Variants in MCEE observed in about 807,000 individuals in gnomAD.
MCEE encodes the protein methylmalonyl-CoA epimerase, mitochondrial.
MCEE carries 6 observed loss-of-function variants against 12.9 expected under a neutral mutation model. The observed-to-expected ratio is 0.47, with a 90% CI of 0.26 to 0.92. MCEE has a LOEUF of 0.92. MCEE is among the 40% of genes least tolerant of loss of function. The pLI is 0.16. For missense variants in MCEE, 214 were observed against 212.1 expected (o/e 1.01, Z -0.05); for synonymous variants, 78 against 77.9 (o/e 1.00, Z -0.01).
At chr2:71,126,494 G>A (rs1345766193) in intron 1 of MCEE, among the ~76,000 whole-genome samples, 3 of 150,052 alleles carry the variant, frequency 2.0e-5, no homozygotes, top group South Asian at 2.1e-4. Context: ...CCAAAGTGCC[G>A]GGATCACAGG....
In MCEE at chr2:71,124,309, C is replaced by T. The variant is rs779499957; in HGVS notation, c.275G>A (p.Gly92Glu). The change falls in exon 2 of 3, where the codon GGA (glycine) becomes GAA (glutamate). Residue 92 changes from glycine to glutamate, a missense_variant. Gly to Glu is a moderately conservative substitution (Grantham distance 98). Transcript: ENST00000244217. ...HGVSVVFVNL[G>E]NTKMELLHPL... ...ATGAAGCAGTTCCATCTTGGTATTT[C>T]CCAGGTTGACAAAAACAACAGATAC... The T allele has an allele frequency of 2.5e-6, 4 of 1,614,162 alleles. No individual in the cohort carries two copies. In the East Asian group the frequency reaches 6.7e-5, roughly 27 times the overall value.
At chr2:71,113,953 CAATAA>C (rs2103777333) in intron 2 of MCEE, among the ~76,000 whole-genome samples, 1 of 152,186 alleles carries the variant, frequency 6.6e-6, no homozygotes, top group African/African-American at 2.4e-5. Flanking sequence ...TTCCCAAAAT[CAATAA>C]CATGAGTCTA....
chr2:71,118,721 A>C (rs928065849), intron 2 of MCEE, among the ~76,000 whole-genome samples: 1 of 149,806 alleles, frequency 6.7e-6, no homozygotes, highest in Non-Finnish European at 1.5e-5. Flanking sequence ...TCATCTCCCT[A>C]AGGCCCCACC....
At chr2:71,123,742 A>T (rs1289958962) in intron 2 of MCEE, among the ~76,000 whole-genome samples, 2 of 152,240 alleles carry the variant, frequency 1.3e-5, no homozygotes, top group African/African-American at 2.4e-5. Flanking sequence ...AATTACAGTA[A>T]TTGAAAATGT....
intron 1 of MCEE, chr2:71,129,897 C>A (rs1228251694): frequency 1.8e-6 from 1 of 561,848 alleles, no homozygotes; most frequent in Admixed American, 3.1e-5. Flanking sequence ...ACCTGCCGGG[C>A]AAGTTCCCTC....
At position 71,120,105 on chromosome 2, in the gene MCEE, G is replaced by A. The variant is rs889908892; in HGVS notation, c.378+4101C>T. On this transcript the variant is annotated intron_variant, in intron 2 of 2. Transcript: ENST00000244217. ...GGGTGTCTGAAGGGTCCCAGAAAAG[G>A]GTCCTTCTGGAAAAGGAATGTTACT... 4.3e-4 allele frequency among the ~76,000 whole-genome samples: 65 copies of A among 150,176 alleles called. 7 individuals carry two copies. Among genetic ancestry groups the A allele is most frequent in the African/African-American group, 1.6e-3 (63 of 39,650 alleles).
chr2:71,124,990 T>C (rs1231069670), intron 1 of MCEE, among the ~76,000 whole-genome samples: 1 of 151,398 alleles, frequency 6.6e-6, no homozygotes, highest in Non-Finnish European at 1.5e-5. Context: ...ATTAAAAGAG[T>C]ACATACAGTA....
At chr2:71,113,833 C>A (rs1001691388) in intron 2 of MCEE, among the ~76,000 whole-genome samples, 1 of 152,128 alleles carries the variant, frequency 6.6e-6, no homozygotes, top group East Asian at 1.9e-4. Flanking sequence ...AGAAACCTGA[C>A]AACACCTCCT....
chr2:71,125,748 T>C (rs1673217433), intron 1 of MCEE, among the ~76,000 whole-genome samples: 1 of 152,212 alleles, frequency 6.6e-6, no homozygotes, highest in Non-Finnish European at 1.5e-5. Flanking sequence ...AGTCATTGCA[T>C]GTCATTAACA....
At chr2:71,122,840 TCC>T (rs1673125755) in intron 2 of MCEE, among the ~76,000 whole-genome samples, 1 of 152,198 alleles carries the variant, frequency 6.6e-6, no homozygotes, top group Non-Finnish European at 1.5e-5. Context: ...CACATGCAAT[TCC>T]CTCTGCCTGA....
At chr2:71,119,839 G>A (rs1242139954) in intron 2 of MCEE, among the ~76,000 whole-genome samples, 1 of 149,920 alleles carries the variant, frequency 6.7e-6, no homozygotes, top group Non-Finnish European at 1.5e-5. Flanking sequence ...AGGATTGCTT[G>A]AGCCAAGAGT....
chr2:71,109,916 T>A lies in MCEE; in HGVS notation c.*54A>T, dbSNP rs996414633. 6.4e-7 allele frequency: 1 copy of A among 1,571,618 alleles called. No individual in the cohort carries two copies. ...GACTCAATGTCATAGTACATTTTGA[T>A]AGTATTTGATAGGCTTTTTCAGGTC... is the stretch of plus-strand genomic sequence containing the variant. On this transcript the variant is annotated 3_prime_UTR_variant, in exon 3 of 3. Transcript: ENST00000244217.
chr2:71,126,568 C>CAAAAAAAAAAAAAAAAAAAAAAAAA (rs70959207), intron 1 of MCEE, among the ~76,000 whole-genome samples: 1 of 72,156 alleles, frequency 1.4e-5, no homozygotes, highest in African/African-American at 5.3e-5. Flanking sequence ...TACATTTTAC[C>CAAAAAAAAAAAAAAAAAAAAAAAAA]AAAAAAAAAA....
rs115526060 is a variant in MCEE at position 71,117,860 on chromosome 2, C to T, written c.378+6346G>A. Reference sequence around the variant, plus strand: ...ATCTAACCAGCCCCTTCTCTGTCACCGGTCCCTATGATTCTGCAGCCCCTC... The same window carrying T: ...ATCTAACCAGCCCCTTCTCTGTCACTGGTCCCTATGATTCTGCAGCCCCTC... On this transcript the variant is annotated intron_variant, in intron 2 of 2. Coordinates refer to ENST00000244217, the MANE Select transcript of MCEE (RefSeq NM_032601.4). Among the ~76,000 whole-genome samples the T allele has an allele frequency of 8.6e-3, 1,296 of 149,926 alleles. 25 individuals are homozygous for T. The highest frequency in any genetic ancestry group is 0.012 in the Non-Finnish European group (831 of 67,958).
rs770235071 is a variant in MCEE, at chr2:71,110,071, T to C, written c.430A>G (p.Ser144Gly). The C allele has an allele frequency of 2.5e-6, 4 of 1,613,654 alleles. No homozygotes were observed. Among genetic ancestry groups the C allele is most frequent in the Admixed American group, 1.7e-5 (1 of 60,008 alleles). ...VMDLKKKKIR[S>G]LSEEVKIGAH... ...CCTATTTTGACCTCTTCACTTAGAC[T>C]GCGGATCTTCTTTTTTTTCAAATCC... The change falls in exon 3 of 3, where the codon AGT (serine) becomes GGT (glycine). Residue 144 changes from serine (S) to glycine (G), a missense_variant. Ser to Gly is a moderately conservative substitution (Grantham distance 56, BLOSUM62 0). Coordinates refer to ENST00000244217, the MANE Select transcript of MCEE (RefSeq NM_032601.4).
chr2:71,116,722 T>C (rs1447808131), intron 2 of MCEE: 1 of 149,262 alleles, frequency 6.7e-6, no homozygotes, highest in Non-Finnish European at 1.5e-5. Context: ...TTTATATTTT[T>C]AGTAGAGATA....
chr2:71,120,881 G>A (rs767786696), intron 2 of MCEE, among the ~76,000 whole-genome samples: 1 of 152,054 alleles, frequency 6.6e-6, no homozygotes, highest in African/African-American at 2.4e-5. Context: ...GGAATTACAG[G>A]TGTGCGCCGC....
intron 2 of MCEE, among the ~76,000 whole-genome samples, chr2:71,116,439 A>G (rs964806936): frequency 6.8e-6 from 1 of 147,432 alleles, no homozygotes; most frequent in Admixed American, 6.7e-5. Flanking sequence ...TTTTTTTGGT[A>G]TTTATCTGTA....
Position 71,109,739 on chromosome 2 carries a change from T to C in MCEE, c.*231A>G. On this transcript the variant is annotated 3_prime_UTR_variant, in exon 3 of 3. Transcript: ENST00000244217. ...GATTTTAATAATGTTCCCTAAGTAA[T>C]TAGTAATCAAGATTTTCTTCAAATT... 1 of 297,500 alleles carries C rather than the reference T, an allele frequency of 3.4e-6. No individual in the cohort carries two copies. The highest frequency in any genetic ancestry group is 6.1e-6 in the Non-Finnish European group (1 of 165,032). The allele number at this position is 297,500 out of a possible 1,614,324, so 18.4% of individuals were successfully genotyped here.
Sources: allele counts gnomAD v4.1 joint callset (sites outside exome capture counted in the v4.1 genomes callset), GRCh38; gene constraint gnomAD v4.1.1; transcripts MANE v1.5; gene names NCBI Gene and HGNC (gene_info 2026-07-23, HGNC 2026-07-21).